The following TPD52L2 variants were observed in gnomAD, a reference collection of about 807,000 sequenced individuals.
The protein encoded by TPD52L2 is TPD52 like 2.
TPD52L2 carries 19 observed loss-of-function variants against 24.7 expected under a neutral mutation model. That is an observed-to-expected ratio of 0.77 (90% CI 0.54 to 1.13). The LOEUF is 1.13. Ranked by LOEUF, TPD52L2 falls within the 50% of genes most tolerant of loss-of-function variation. The probability of loss-of-function intolerance (pLI) is 0.00; values close to 1 mark genes in which losing one functional copy is unlikely to be tolerated. For missense variants in TPD52L2, 236 were observed against 250.4 expected, an observed-to-expected ratio of 0.94 and a Z score of 0.39; for synonymous variants, 104 against 100.2, an observed-to-expected ratio of 1.04 and a Z score of -0.23.
At chr20:63,872,302 C>T (rs575621816) in intron 2 of TPD52L2, among the ~76,000 whole-genome samples, 3 of 152,176 alleles carry the variant, frequency 2.0e-5, no homozygotes, top group East Asian at 3.9e-4. Flanking sequence ...AGACGGTGCC[C>T]GGCTGCCAAC....
At position 63,865,291 on chromosome 20, in the gene TPD52L2, C is replaced by T. The variant is rs969286376; in HGVS notation, c.-75C>T. 6.1e-6 allele frequency: 9 copies of T among 1,469,658 alleles called. No individual in the cohort carries two copies. The African/African-American group carries it at 1.0e-4, about 17-fold the overall frequency. 91.0% of individuals were successfully genotyped at this position (1,469,658 alleles called of 1,614,324 possible). On this transcript the variant is annotated 5_prime_UTR_variant, in exon 1 of 7. It adds an upstream start codon to the 5' untranslated region. Transcript: ENST00000346249. ...AGGCAGTTCCGCTGGCTAGTGTGTA[C>T]GCGGCGAGCTTCTCCCGGCGCCGCC...
At chr20:63,889,757 G>T in intron 6 of TPD52L2, 93 bp from the exon 7 acceptor site, 1 of 1,249,818 alleles carries the variant, frequency 8.0e-7, no homozygotes, top group Non-Finnish European at 1.1e-6. Context: ...TGTTACATAA[G>T]CTTTTGTAGA....
intron 3 of TPD52L2, among the ~76,000 whole-genome samples, chr20:63,874,670 C>T (rs377412512): frequency 3.3e-5 from 5 of 152,140 alleles, no homozygotes; most frequent in South Asian, 2.1e-4. Context: ...CCACCACATC[C>T]GGCTTATATA....
chr20:63,887,325 G>A, intron 5 of TPD52L2: 3 of 627,812 alleles, frequency 4.8e-6, no homozygotes, highest in Non-Finnish European at 2.8e-6. Context: ...TCCTATGGCA[G>A]TGCTCTCCCC....
chr20:63,866,216 T>C (rs2052225571), intron 1 of TPD52L2, among the ~76,000 whole-genome samples: 1 of 151,060 alleles, frequency 6.6e-6, no homozygotes, highest in Admixed American at 6.6e-5. Context: ...GCGATTCTGC[T>C]GCCTCAGCCT....
At chr20:63,875,152 A>AAAAT (rs1555873183) in intron 3 of TPD52L2, among the ~76,000 whole-genome samples, 1 of 141,750 alleles carries the variant, frequency 7.1e-6, no homozygotes, top group East Asian at 2.1e-4. Flanking sequence ...AAAAAAAAAA[A>AAAAT]ATATATATAT....
chr20:63,883,747 C>T (rs2052987177), intron 5 of TPD52L2, among the ~76,000 whole-genome samples: 1 of 151,878 alleles, frequency 6.6e-6, no homozygotes, highest in Non-Finnish European at 1.5e-5. Context: ...AGTGCTGACC[C>T]CACCCAGCCC....
At chr20:63,870,370 G>A (rs189938894) in intron 2 of TPD52L2, among the ~76,000 whole-genome samples, 94 of 152,244 alleles carry the variant, frequency 6.2e-4, no homozygotes, top group African/African-American at 2.2e-3. Flanking sequence ...CAGATCCTGA[G>A]GACATCACAC....
chr20:63,870,265 C>G (rs946781195), intron 2 of TPD52L2, among the ~76,000 whole-genome samples: 54 of 152,160 alleles, frequency 3.5e-4, no homozygotes, highest in African/African-American at 1.3e-3. Context: ...CAAGAGTTTT[C>G]TTTTCACCCT....
At chr20:63,878,066 G>A (rs920245153) in intron 4 of TPD52L2, among the ~76,000 whole-genome samples, 2 of 152,278 alleles carry the variant, frequency 1.3e-5, no homozygotes, top group African/African-American at 4.8e-5. Flanking sequence ...GCTCTTCCTG[G>A]CTGGTGCCTC....
intron 4 of TPD52L2, among the ~76,000 whole-genome samples, chr20:63,881,479 A>G (rs1388799246): frequency 6.6e-6 from 1 of 152,146 alleles, no homozygotes; most frequent in African/African-American, 2.4e-5. Context: ...CACTCTTGTC[A>G]ACTGTTTGGG....
intron 5 of TPD52L2, among the ~76,000 whole-genome samples, chr20:63,884,854 C>T (rs1202225390): frequency 6.6e-6 from 1 of 152,210 alleles, no homozygotes; most frequent in Non-Finnish European, 1.5e-5. Flanking sequence ...AGTTGGCTGG[C>T]CGTGTTCACG....
At chr20:63,873,905 A>G in intron 3 of TPD52L2, 89 bp downstream of exon 3, 2 of 1,371,150 alleles carry the variant, frequency 1.5e-6, no homozygotes, top group Non-Finnish European at 9.5e-7. Context: ...CGTCATGCCC[A>G]GGGACGAGTT....
intron 1 of TPD52L2, among the ~76,000 whole-genome samples, chr20:63,868,822 A>G (rs2052355851): frequency 1.3e-5 from 2 of 152,098 alleles, no homozygotes; most frequent in African/African-American, 4.8e-5. Context: ...TGCGCCTGTA[A>G]TCCCAGCTAC....
At chr20:63,888,999 G>A in intron 5 of TPD52L2, 191 bp from the exon 6 acceptor site, 1 of 623,322 alleles carries the variant, frequency 1.6e-6, no homozygotes, top group East Asian at 2.7e-5. Flanking sequence ...TGGTTGTTGG[G>A]CATGGCCGAC....
chr20:63,880,759 C>T (rs1005727037), intron 4 of TPD52L2, among the ~76,000 whole-genome samples: 10 of 151,912 alleles, frequency 6.6e-5, no homozygotes, highest in African/African-American at 2.4e-4. Flanking sequence ...GATGTGGTGG[C>T]GGGCGCCTGT....
intron 3 of TPD52L2, 92 bp from the exon 4 acceptor site, chr20:63,875,724 C>A: frequency 7.6e-7 from 1 of 1,322,858 alleles, no homozygotes; most frequent in South Asian, 1.2e-5. Context: ...CCAGCTGGTC[C>A]CTCTCTGTCT....
At position 63,880,839 on chromosome 20, in the gene TPD52L2, C is replaced by G. The variant is rs913156780; in HGVS notation, c.375-1880C>G. Among the ~76,000 whole-genome samples the G allele has an allele frequency of 2.7e-5, 4 of 148,686 alleles. No homozygotes were observed. The Admixed American group carries it at 2.7e-4, about 10-fold the overall frequency. On this transcript the variant is annotated intron_variant, in intron 4 of 6. Transcript: ENST00000346249. ...CCGTGAGGCAGAGCTTGCAGTGAGC[C>G]GAGATGGTGCTGCTGCACTCCAGCC...
rs2236151 is a variant in TPD52L2 at position 63,882,906 on chromosome 20, A to T, written c.476+86A>T. ...GAGGTGCTACAGGAAGCCTGCCTGG[A>T]GATCAGGGCTCAGATGCACTGGCTC... On this transcript the variant is annotated intron_variant, in intron 5 of 6. Transcript: ENST00000346249. 0.041 allele frequency: 42,399 copies of T among 1,027,268 alleles called. 2,130 individuals carry two copies. The highest frequency in any genetic ancestry group is 0.22 in the East Asian group (8,530 of 39,466). The allele number at this position is 1,027,268 out of a possible 1,614,324, so 63.6% of individuals were successfully genotyped here. A position where few individuals can be genotyped will look rare whatever the true frequency, so the allele number is the denominator to read the frequency against.
Sources: allele counts gnomAD v4.1 joint callset (sites outside exome capture counted in the v4.1 genomes callset), GRCh38; gene constraint gnomAD v4.1.1; transcripts MANE v1.5; gene names NCBI Gene and HGNC (gene_info 2026-07-23, HGNC 2026-07-21).